Variants in CTNNBL1 observed in about 807,000 individuals in gnomAD.
CTNNBL1 encodes the protein catenin beta like 1, also known as beta-catenin-like protein 1.
Under a neutral mutation model 72.7 loss-of-function variants are expected in CTNNBL1, and 31 were observed. That is an observed-to-expected ratio of 0.43 (90% CI 0.32 to 0.58). CTNNBL1 has a LOEUF of 0.58. Ranked by LOEUF, CTNNBL1 falls within the 20% of genes least tolerant of loss-of-function variation. CTNNBL1 has a pLI of 0.08. For missense variants in CTNNBL1, 534 were observed against 725.1 expected (o/e 0.74, Z 3.03); for synonymous variants, 240 against 267.3 (o/e 0.90, Z 1.00).
In CTNNBL1 at chr20:37,765,279, A is replaced by G. The variant is rs2122661546; in HGVS notation, c.647A>G (p.His216Arg). The G allele has an allele frequency of 6.5e-7, 1 of 1,549,960 alleles. No homozygotes were observed. The highest frequency in any genetic ancestry group is 1.2e-5 in the South Asian group (1 of 84,010). The change falls in exon 6 of 16, where the codon CAC (histidine) becomes CGC (arginine). Residue 216 changes from histidine (H) to arginine (R), a missense_variant. Physicochemically the swap from His to Arg is conservative, Grantham distance 29. Coordinates refer to ENST00000361383, the MANE Select transcript of CTNNBL1 (RefSeq NM_030877.5). The part of the protein sequence containing the change: ...ESVKEEADGV[H>R]NTLAIVENMA... ...GTGAAAGAGGAGGCAGATGGCGTCC[A>G]CAACACTCTGGGTGAGAGGAAGGGT...
chr20:37,776,592 C>G (rs1421396721), intron 7 of CTNNBL1, among the ~76,000 whole-genome samples: 1 of 152,028 alleles, frequency 6.6e-6, no homozygotes, highest in Non-Finnish European at 1.5e-5. Context: ...GCACCTTTAT[C>G]CAGGGGGCAG....
At chr20:37,858,909 G>A in intron 13 of CTNNBL1, among the ~76,000 whole-genome samples, 1 of 152,094 alleles carries the variant, frequency 6.6e-6, no homozygotes, top group East Asian at 1.9e-4. Flanking sequence ...GAGGGCATAT[G>A]TACGCAAGTT....
At chr20:37,743,541 AAAC>A (rs916970577) in intron 3 of CTNNBL1, among the ~76,000 whole-genome samples, 18 of 152,348 alleles carry the variant, frequency 1.2e-4, no homozygotes, top group African/African-American at 3.4e-4. Context: ...TGAAAAATAA[AAAC>A]AACAAGGGAG....
At chr20:37,830,429 C>T (rs188045236) in intron 11 of CTNNBL1, among the ~76,000 whole-genome samples, 72 of 152,246 alleles carry the variant, frequency 4.7e-4, no homozygotes, top group African/African-American at 1.5e-3. Flanking sequence ...TTCTGGTGAA[C>T]GGAGCCTTCC....
chr20:37,793,324 T>C (rs953454479), intron 10 of CTNNBL1, among the ~76,000 whole-genome samples: 2 of 152,266 alleles, frequency 1.3e-5, no homozygotes, highest in Admixed American at 1.3e-4. Flanking sequence ...CTTAAACTTA[T>C]AGAATTATAT....
intron 10 of CTNNBL1, among the ~76,000 whole-genome samples, chr20:37,787,490 G>A (rs1396001428): frequency 2.0e-5 from 3 of 151,132 alleles, no homozygotes; most frequent in Admixed American, 6.6e-5. Context: ...GACTACAGGC[G>A]CCCGCCACTA....
intron 3 of CTNNBL1, among the ~76,000 whole-genome samples, chr20:37,745,079 G>T (rs555644792): frequency 3.9e-5 from 6 of 152,116 alleles, no homozygotes; most frequent in African/African-American, 1.4e-4. Flanking sequence ...TCTTTCTCCG[G>T]TTTTCTACAA....
chr20:37,820,964 A>G (rs899127656), intron 11 of CTNNBL1, among the ~76,000 whole-genome samples: 2 of 152,200 alleles, frequency 1.3e-5, no homozygotes, highest in East Asian at 1.9e-4. Context: ...AGACTTTTGC[A>G]TGACAGAAGA....
Position 37,753,317 on chromosome 20 carries a change from A to G in CTNNBL1, c.467-4242A>G, listed in dbSNP as rs551750938. Among the ~76,000 whole-genome samples the G allele has an allele frequency of 2.0e-5, 3 of 152,350 alleles. No homozygotes were observed. In the East Asian group the frequency reaches 5.8e-4, roughly 29 times the overall value. ...GAGGCAGGAAAGTAGGCAAGGAGAT[A>G]CCACTGAAATATGATAAGAAACAAG... is the stretch of plus-strand genomic sequence containing the variant. On this transcript the variant is annotated intron_variant, in intron 4 of 15. Transcript: ENST00000361383.
intron 11 of CTNNBL1, among the ~76,000 whole-genome samples, chr20:37,805,542 G>A (rs1358936648): frequency 6.6e-6 from 1 of 151,288 alleles, no homozygotes; most frequent in Non-Finnish European, 1.5e-5. Flanking sequence ...GACTACAGGC[G>A]CCCACCACCA....
At chr20:37,825,886 TG>T (rs915708605) in intron 11 of CTNNBL1, among the ~76,000 whole-genome samples, 3 of 152,182 alleles carry the variant, frequency 2.0e-5, no homozygotes, top group Non-Finnish European at 4.4e-5. Context: ...ATTGTAGCGA[TG>T]GGGTTGGTTT....
At chr20:37,737,939 G>C (rs1383801665) in intron 3 of CTNNBL1, among the ~76,000 whole-genome samples, 1 of 152,194 alleles carries the variant, frequency 6.6e-6, no homozygotes, top group Non-Finnish European at 1.5e-5. Flanking sequence ...CAAAATTGTA[G>C]GCTCCTGGAA....
chr20:37,805,149 T>G (rs1410319445), intron 11 of CTNNBL1, among the ~76,000 whole-genome samples: 1 of 152,246 alleles, frequency 6.6e-6, no homozygotes, highest in African/African-American at 2.4e-5. Flanking sequence ...TTCTTTGTCC[T>G]GTCCTCTGGG....
intron 10 of CTNNBL1, among the ~76,000 whole-genome samples, chr20:37,794,829 C>A (rs1445729824): frequency 1.3e-5 from 2 of 152,038 alleles, no homozygotes; most frequent in Non-Finnish European, 2.9e-5. Flanking sequence ...ATATTTTCAC[C>A]AGGTATAGCT....
intron 1 of CTNNBL1, among the ~76,000 whole-genome samples, chr20:37,712,556 G>A (rs2072947596): frequency 6.6e-6 from 1 of 152,218 alleles, no homozygotes; most frequent in South Asian, 2.1e-4. Flanking sequence ...AATTACAGTT[G>A]CTGTCAGTTG....
At chr20:37,778,482 C>T (rs936920029) in intron 9 of CTNNBL1, among the ~76,000 whole-genome samples, 2 of 152,122 alleles carry the variant, frequency 1.3e-5, no homozygotes, top group African/African-American at 4.8e-5. Flanking sequence ...TGGGAAGGTG[C>T]TTAGTCCTTT....
At chr20:37,713,659 T>C (rs984307127) in intron 1 of CTNNBL1, among the ~76,000 whole-genome samples, 1 of 152,192 alleles carries the variant, frequency 6.6e-6, no homozygotes, top group African/African-American at 2.4e-5. Context: ...GATTTGCTCT[T>C]CATTTGACAG....
At position 37,834,885 on chromosome 20, in the gene CTNNBL1, GTTA is replaced by G. The variant is rs577597158; in HGVS notation, c.1214-5209_1214-5207del. Among the ~76,000 whole-genome samples the G allele has an allele frequency of 9.8e-5, 15 of 152,308 alleles. 1 individual carries two copies. In the South Asian group the frequency reaches 3.1e-3, roughly 32 times the overall value. On this transcript the variant is annotated intron_variant, in intron 11 of 15. Transcript: ENST00000361383. ...TAGATAAACAGTAACAATGATGACA[GTTA>G]TTATTATACCCTACTTACGTTCAAA...
chr20:37,774,312 T>A (rs1178193914), intron 7 of CTNNBL1, among the ~76,000 whole-genome samples: 1 of 152,170 alleles, frequency 6.6e-6, no homozygotes, highest in African/African-American at 2.4e-5. Context: ...GGAAATGGTG[T>A]TGCCCAAACC....
Sources: gnomAD v4.1 joint callset for allele counts (sites outside exome capture counted in the v4.1 genomes callset) on GRCh38, gnomAD v4.1.1 for gene constraint, MANE v1.5 for transcripts, NCBI Gene and HGNC (gene_info 2026-07-23, HGNC 2026-07-21) for gene names.